The following NUFIP1 variants were observed in gnomAD, a reference collection of about 807,000 sequenced individuals.
NUFIP1 encodes the protein FMR1-interacting protein NUFIP1.
NUFIP1 carries 38 observed loss-of-function variants against 56.2 expected under a neutral mutation model. That is an observed-to-expected ratio of 0.68 (90% CI 0.52 to 0.89). The LOEUF (loss-of-function observed/expected upper bound fraction) is 0.89. Among genes scored for constraint, NUFIP1 ranks in the 40% least tolerant of loss-of-function variants. NUFIP1 has a pLI of 0.00. For missense variants in NUFIP1, 567 were observed against 605.8 expected, an observed-to-expected ratio of 0.94 and a Z score of 0.67; for synonymous variants, 215 against 212.4, an observed-to-expected ratio of 1.01 and a Z score of -0.10.
intron 2 of NUFIP1, among the ~76,000 whole-genome samples, chr13:44,981,535 G>A (rs188286488): frequency 6.4e-4 from 97 of 152,320 alleles, no homozygotes; most frequent in African/African-American, 2.2e-3. Context: ...TATATGGCCA[G>A]GCATGGTGGC....
chr13:44,977,413 T>C (rs1872018375), intron 5 of NUFIP1, among the ~76,000 whole-genome samples: 2 of 152,180 alleles, frequency 1.3e-5, no homozygotes, highest in Non-Finnish European at 2.9e-5. Flanking sequence ...TCACTAAGCA[T>C]GATATTTAGT....
chr13:44,967,722 G>A (rs990343667), intron 5 of NUFIP1, among the ~76,000 whole-genome samples: 4 of 152,176 alleles, frequency 2.6e-5, no homozygotes, highest in Non-Finnish European at 4.4e-5. Flanking sequence ...TGATTAAGAT[G>A]AAATCTGACA....
chr13:44,986,432 C>T (rs1354820693), intron 1 of NUFIP1, among the ~76,000 whole-genome samples: 1 of 151,978 alleles, frequency 6.6e-6, no homozygotes, highest in African/African-American at 2.4e-5. Context: ...TGGCTCACGC[C>T]TATAATCCCA....
In NUFIP1 at chr13:44,943,540, T is replaced by G. The variant is rs1303304693; in HGVS notation, c.1273A>C (p.Lys425Gln). Residue 425 changes from lysine (K) to glutamine (Q), a missense_variant, in exon 9 of 10, where the codon AAA becomes CAA. By Grantham distance (53) the Lys-to-Gln change is moderately conservative (BLOSUM62 1). Transcript: ENST00000379161. Reference sequence around the variant, plus strand: ...TTAGGGTTTGTTTTTTCAAAGCTTTTCTTTCGGTTCTCACTCTTGGCTTCT... The same window carrying G: ...TTAGGGTTTGTTTTTTCAAAGCTTTGCTTTCGGTTCTCACTCTTGGCTTCT... ...FSEAKSENRK[K>Q]SFEKTNPKRK... 1 of 1,614,188 alleles carries G rather than the reference T, an allele frequency of 6.2e-7. No individual in the cohort carries two copies. The highest frequency in any genetic ancestry group is 2.2e-5 in the East Asian group (1 of 44,870).
Position 44,973,746 on chromosome 13 carries a change from A to C in NUFIP1, c.734+5444T>G, listed in dbSNP as rs188252980. On this transcript the variant is annotated intron_variant, in intron 5 of 9. Transcript: ENST00000379161. Reference sequence around the variant, plus strand: ...TAGGCAGATGAGAAAAAATATACCCAAAAGTGGATGGATTTCAGATGAGCT... The same window carrying C: ...TAGGCAGATGAGAAAAAATATACCCCAAAGTGGATGGATTTCAGATGAGCT... 3.3e-5 allele frequency among the ~76,000 whole-genome samples: 5 copies of C among 152,358 alleles called. No homozygotes were observed. The East Asian group carries it at 5.8e-4, about 18-fold the overall frequency.
At chr13:44,987,977 T>C (rs1229303562) in intron 1 of NUFIP1, among the ~76,000 whole-genome samples, 6 of 152,250 alleles carry the variant, frequency 3.9e-5, no homozygotes, top group Non-Finnish European at 8.8e-5. Context: ...CATTCTGATG[T>C]ATAGCTTCTA....
intron 7 of NUFIP1, among the ~76,000 whole-genome samples, chr13:44,956,281 C>CA (rs10700836): frequency 3.9e-5 from 6 of 152,190 alleles, no homozygotes; most frequent in South Asian, 2.1e-4. Context: ...CATATGAAAA[C>CA]GGGGATAGAT....
rs865906632 is a variant in NUFIP1, at chr13:44,965,715, T to C, written c.827+129A>G. 30 of 374,040 alleles carry C rather than the reference T, an allele frequency of 8.0e-5. 1 individual carries two copies. Among genetic ancestry groups the C allele is most frequent in the Non-Finnish European group, 1.2e-4 (26 of 219,132 alleles). The allele number at this position is 374,040 out of a possible 1,614,324, so 23.2% of individuals were successfully genotyped here. A position where few individuals can be genotyped will look rare whatever the true frequency, so the allele number is the denominator to read the frequency against. On this transcript the variant is annotated intron_variant, in intron 6 of 9. Transcript: ENST00000379161. ...TCTCAAAAAAATAAATAAATAAAAA[T>C]AAAAATAAATAAATTTATCTTTTTA...
chr13:44,949,344 G>GGCGCCCGCCACT (rs1347554031), intron 8 of NUFIP1, among the ~76,000 whole-genome samples: 1 of 149,918 alleles, frequency 6.7e-6, no homozygotes, highest in Non-Finnish European at 1.5e-5. Context: ...TGGGACTACA[G>GGCGCCCGCCACT]GCGCCCGCCA....
intron 5 of NUFIP1, among the ~76,000 whole-genome samples, chr13:44,969,225 T>G (rs982120673): frequency 2.9e-4 from 44 of 152,214 alleles, no homozygotes; most frequent in African/African-American, 1.0e-3. Context: ...GAAAAATGGT[T>G]GCTAAAAAGC....
chr13:44,947,208 T>C (rs915619132), intron 8 of NUFIP1, among the ~76,000 whole-genome samples: 6 of 150,542 alleles, frequency 4.0e-5, no homozygotes, highest in South Asian at 4.2e-4. Flanking sequence ...TCAGGTCTGC[T>C]ACATACCAGC....
At chr13:44,976,545 A>T (rs1029370025) in intron 5 of NUFIP1, among the ~76,000 whole-genome samples, 1 of 152,106 alleles carries the variant, frequency 6.6e-6, no homozygotes, top group African/African-American at 2.4e-5. Context: ...CAAACAAAAC[A>T]TTTTTTAAAA....
intron 8 of NUFIP1, among the ~76,000 whole-genome samples, chr13:44,944,407 C>A (rs1261860398): frequency 6.6e-6 from 1 of 151,982 alleles, no homozygotes; most frequent in African/African-American, 2.4e-5. Flanking sequence ...GTCAATAAGA[C>A]AAAGAATAAC....
chr13:44,961,261 T>C (rs1464976397), intron 6 of NUFIP1, among the ~76,000 whole-genome samples: 1 of 152,132 alleles, frequency 6.6e-6, no homozygotes. Flanking sequence ...CATTTTTCAT[T>C]AATAATGGAG....
rs1444972787 is a variant in NUFIP1 at position 44,940,083 on chromosome 13, G to A, written c.*1123C>T. ...ATACCTTTAATATAGGCACAATAGA[G>A]GTACAAAGAGTAAGCACTCAACAGT... On this transcript the variant is annotated 3_prime_UTR_variant, in exon 10 of 10. Coordinates refer to ENST00000379161, the MANE Select transcript of NUFIP1 (RefSeq NM_012345.3). 1 of 152,134 alleles carries A rather than the reference G, an allele frequency of 6.6e-6. No homozygotes were observed. Among genetic ancestry groups the A allele is most frequent in the African/African-American group, 2.4e-5 (1 of 41,426 alleles). The allele number at this position is 152,134 out of a possible 1,614,324, so 9.4% of individuals were successfully genotyped here. A position where few individuals can be genotyped will look rare whatever the true frequency, so the allele number is the denominator to read the frequency against.
chr13:44,958,243 T>C (rs1373888605), intron 7 of NUFIP1, among the ~76,000 whole-genome samples: 1 of 152,228 alleles, frequency 6.6e-6, no homozygotes, highest in East Asian at 1.9e-4. Flanking sequence ...GATAAACTAT[T>C]AGGTTGATGC....
At position 44,979,228 on chromosome 13, in the gene NUFIP1, A is replaced by C. The variant is rs751027665; in HGVS notation, c.696T>G (p.Thr232=). 1 of 1,613,528 alleles carries C rather than the reference A, an allele frequency of 6.2e-7. No individual in the cohort carries two copies. Among genetic ancestry groups the C allele is most frequent in the Non-Finnish European group, 8.5e-7 (1 of 1,179,830 alleles). ...APGMKKIKLD[T]PEEIARWREE... is the part of the protein sequence containing the mutation. ...CCCTCCACCGTGCAATTTCCTCTGGAGTGTCTAACTTGATCTTCTTCATGC... is the reference window on the plus strand; with the variant it reads ...CCCTCCACCGTGCAATTTCCTCTGGCGTGTCTAACTTGATCTTCTTCATGC... Residue 232 remains threonine, a synonymous_variant, in exon 5 of 10, where the codon ACT becomes ACG. Transcript: ENST00000379161.
At chr13:44,979,653 G>A (rs1056162702) in intron 4 of NUFIP1, among the ~76,000 whole-genome samples, 1 of 152,064 alleles carries the variant, frequency 6.6e-6, no homozygotes, top group Non-Finnish European at 1.5e-5. Context: ...AAGAAACTGA[G>A]GTCCAAGAAT....
chr13:44,989,318 C>T lies in NUFIP1; in HGVS notation c.119G>A (p.Trp40Ter), dbSNP rs752359700. The change falls in exon 1 of 10, where the codon TGG (tryptophan) becomes TAG (stop). Residue 40 changes from tryptophan (W) to a stop codon, truncating the protein, a stop_gained. Coordinates refer to ENST00000379161, the MANE Select transcript of NUFIP1 (RefSeq NM_012345.3). LOFTEE classifies it high-confidence loss of function. ...TAPPRDSWMFWAMLPPPPPPL... is the reference protein window; with the variant it reads ...TAPPRDSWMF ...TGGTGGCGGTGGCGGCAGCATTGCC[C>T]AGAACATCCAGCTGTCCCGCGGCGG... 6.2e-7 allele frequency: 1 copy of T among 1,613,094 alleles called. No homozygotes were observed. The highest frequency in any genetic ancestry group is 1.7e-5 in the Admixed American group (1 of 59,920).
Sources: gnomAD v4.1 joint callset for allele counts (sites outside exome capture counted in the v4.1 genomes callset) on GRCh38, gnomAD v4.1.1 for gene constraint, MANE v1.5 for transcripts, NCBI Gene and HGNC (gene_info 2026-07-23, HGNC 2026-07-21) for gene names.